ZSWIM6: variants seen among roughly 807,000 people sequenced by gnomAD.
The protein encoded by ZSWIM6 is zinc finger SWIM-type containing 6.
Under a neutral mutation model 113.2 loss-of-function variants are expected in ZSWIM6, and 9 were observed. That is an observed-to-expected ratio of 0.08 (90% CI 0.05 to 0.14). ZSWIM6 has a LOEUF of 0.14. Among genes scored for constraint, ZSWIM6 ranks in the 10% least tolerant of loss-of-function variants. The pLI is 1.00. For synonymous variants in ZSWIM6, 611 were observed against 606.5 expected (o/e 1.01, Z -0.11); for missense variants, 1,162 against 1,552.2 (o/e 0.75, Z 4.22).
intron 7 of ZSWIM6, 73 bp downstream of exon 7, chr5:61,526,469 G>C (rs867459936): frequency 2.3e-5 from 34 of 1,500,140 alleles, no homozygotes; most frequent in Non-Finnish European, 5.4e-6. Flanking sequence ...TGTGTTCTGG[G>C]AGAGATGGCT....
In ZSWIM6 at chr5:61,472,960, A is replaced by G. The variant is rs764968657; in HGVS notation, c.956A>G (p.His319Arg). ...KFVQYLITVHHTEVLPTAQKL... is the reference protein window; with the variant it reads ...KFVQYLITVHRTEVLPTAQKL... Reference sequence around the variant, plus strand: ...GTACAGTATTTGATCACAGTGCACCACACAGAAGTTTTGCCAACTGCTCAA... The same window carrying G: ...GTACAGTATTTGATCACAGTGCACCGCACAGAAGTTTTGCCAACTGCTCAA... The change falls in exon 2 of 14, where the codon CAC becomes CGC. Residue 319 changes from histidine to arginine, a missense_variant. This residue lies in a region of ZSWIM6 where 96 missense variants were observed against 240.3 expected (regional missense o/e 0.40). Transcript: ENST00000252744. The surrounding 1 kb of genome is among the most constrained non-coding windows in gnomAD (Gnocchi z 4.1). 12 of 1,544,326 alleles carry G rather than the reference A, an allele frequency of 7.8e-6. No individual in the cohort carries two copies. The African/African-American group carries it at 1.5e-4, about 19-fold the overall frequency.
At chr5:61,541,573 C>T (rs1307273211) in intron 12 of ZSWIM6, among the ~76,000 whole-genome samples, 2 of 152,158 alleles carry the variant, frequency 1.3e-5, no homozygotes, top group African/African-American at 4.8e-5. Context: ...TTTAATGCTC[C>T]AGTCCAGCCC....
chr5:61,536,075 G>A (rs1749564474), intron 10 of ZSWIM6, among the ~76,000 whole-genome samples: 2 of 152,222 alleles, frequency 1.3e-5, no homozygotes, highest in African/African-American at 4.8e-5. Flanking sequence ...GTATTGCCAA[G>A]GCACATCTGT....
At chr5:61,498,260 C>T (rs755859562) in intron 4 of ZSWIM6, among the ~76,000 whole-genome samples, 14 of 152,296 alleles carry the variant, frequency 9.2e-5, no homozygotes, top group Middle Eastern at 3.4e-3. Context: ...GTTTTAAACA[C>T]TTAACTTTCT....
rs1749117593 is a variant in ZSWIM6, at chr5:61,521,403, T to C, written c.1474T>C (p.Leu492=). The change falls in exon 5 of 14, where the codon TTA becomes CTA. Residue 492 remains leucine, a synonymous_variant. Coordinates refer to ENST00000252744, the MANE Select transcript of ZSWIM6 (RefSeq NM_020928.2). ...AAATCATGGCAGTGAATTACCCAAC[T>C]TAACCAATGCTCTGCCTCAGGGTGC... ...DGNHGSELPN[L]TNALPQGANA... The C allele has an allele frequency of 6.5e-7, 1 of 1,527,402 alleles. No homozygotes were observed. The highest frequency in any genetic ancestry group is 8.8e-7 in the Non-Finnish European group (1 of 1,135,640). 94.6% of individuals were successfully genotyped at this position (1,527,402 alleles called of 1,614,324 possible).
chr5:61,391,150 G>A, intron 1 of ZSWIM6: 1 of 784,470 alleles, frequency 1.3e-6, no homozygotes, highest in East Asian at 2.4e-5. Context: ...GGTCTTGTGG[G>A]GTAGCTTCTT....
At chr5:61,495,011 G>A (rs1393340661) in intron 4 of ZSWIM6, among the ~76,000 whole-genome samples, 1 of 152,156 alleles carries the variant, frequency 6.6e-6, no homozygotes, top group Admixed American at 6.6e-5. Context: ...TTATTTGGAT[G>A]AGTCTTGGTA....
chr5:61,475,339 C>A (rs1580015403), intron 2 of ZSWIM6, among the ~76,000 whole-genome samples: 2 of 151,974 alleles, frequency 1.3e-5, no homozygotes. Flanking sequence ...GGATAGTAGC[C>A]CCTAAAGTTT....
At chr5:61,366,978 A>G (rs1745169641) in intron 1 of ZSWIM6, among the ~76,000 whole-genome samples, 1 of 151,958 alleles carries the variant, frequency 6.6e-6, no homozygotes, top group Admixed American at 6.6e-5. Flanking sequence ...ATACAGGCAC[A>G]TCCCCAGACA....
At chr5:61,508,553 T>C (rs1748690923) in intron 4 of ZSWIM6, among the ~76,000 whole-genome samples, 1 of 152,214 alleles carries the variant, frequency 6.6e-6, no homozygotes, top group Non-Finnish European at 1.5e-5. Context: ...TATTTTGTAA[T>C]CTAGCAGATT....
chr5:61,446,448 A>G (rs2112152784), intron 1 of ZSWIM6, among the ~76,000 whole-genome samples: 1 of 152,342 alleles, frequency 6.6e-6, no homozygotes, highest in East Asian at 1.9e-4. Flanking sequence ...ATTTTCATCA[A>G]TAACTCAGAA....
At chr5:61,493,892 C>T (rs896692815) in intron 3 of ZSWIM6, among the ~76,000 whole-genome samples, 2 of 152,070 alleles carry the variant, frequency 1.3e-5, no homozygotes, top group Non-Finnish European at 2.9e-5. Context: ...TTCTACTGGA[C>T]ATATGAAACA....
intron 10 of ZSWIM6, 58 bp from the exon 11 acceptor site, chr5:61,538,756 G>A: frequency 2.7e-6 from 4 of 1,502,404 alleles, no homozygotes; most frequent in Non-Finnish European, 3.6e-6. Context: ...CAGTCTTTCT[G>A]GCCAAGGACA....
chr5:61,332,761 GGCGGCCGCA>G lies in ZSWIM6; in HGVS notation c.490_498del (p.Ala164_Ala166del), dbSNP rs1744285944. 5.3e-4 allele frequency: 3 copies of G among 5,634 alleles called. No homozygotes were observed. In the Admixed American group the frequency reaches 8.4e-3, roughly 16 times the overall value. 0.3% of individuals were successfully genotyped at this position (5,634 alleles called of 1,614,324 possible). A position where few individuals can be genotyped will look rare whatever the true frequency, so the allele number is the denominator to read the frequency against. On this transcript the variant is annotated inframe_deletion, in exon 1 of 14. Transcript: ENST00000252744. ...CCTCGTCTTCCCCGGCCGCAACCTC[GGCGGCCGCA>G]ACCTCGGCCGCCGCCGCCGCTGCCG...
chr5:61,425,884 A>G (rs1438625696), intron 1 of ZSWIM6, among the ~76,000 whole-genome samples: 5 of 152,236 alleles, frequency 3.3e-5, no homozygotes, highest in African/African-American at 1.2e-4. Flanking sequence ...GAAGGGTCTT[A>G]TGTGCTCAGC....
At chr5:61,355,395 A>G (rs1034499246) in intron 1 of ZSWIM6, among the ~76,000 whole-genome samples, 2 of 149,772 alleles carry the variant, frequency 1.3e-5, no homozygotes, top group Non-Finnish European at 3.0e-5. Context: ...GATGTAGCTT[A>G]CCTGTTTACA....
At chr5:61,337,961 C>T (rs1174259063) in intron 1 of ZSWIM6, among the ~76,000 whole-genome samples, 2 of 151,784 alleles carry the variant, frequency 1.3e-5, no homozygotes, top group African/African-American at 2.4e-5. Flanking sequence ...TTGGTGTGTT[C>T]GCATATGTGT....
Position 61,526,253 on chromosome 5 carries a change from A to G in ZSWIM6, c.1694A>G (p.His565Arg), listed in dbSNP as rs1021250147. 6.5e-7 allele frequency: 1 copy of G among 1,547,496 alleles called. No homozygotes were observed. The highest frequency in any genetic ancestry group is 1.2e-5 in the South Asian group (1 of 83,010). ...CCCCCTTGACTTTCTGTTTTAGAAC[A>G]TGTTCCTACAGCCTGTGCAAGAGTG... ...DSRGWPLWHE[H>R]VPTACARVDA... is the part of the protein sequence containing the mutation. Residue 565 changes from histidine (H) to arginine (R), a missense_variant, in exon 7 of 14, where the codon CAT becomes CGT. By Grantham distance (29) the His-to-Arg change is conservative. Around this residue, in one of 4 missense-constraint regions of ZSWIM6, gnomAD observed 620 missense variants for 804.6 expected, o/e 0.77. Coordinates refer to ENST00000252744, the MANE Select transcript of ZSWIM6 (RefSeq NM_020928.2).
At chr5:61,423,407 TCAAAAAAAAAACA>T (rs1191626709) in intron 1 of ZSWIM6, among the ~76,000 whole-genome samples, 104 of 136,122 alleles carry the variant, frequency 7.6e-4, no homozygotes, top group African/African-American at 2.6e-3. Context: ...AAACTCCATC[TCAAAAAAAAAACA>T]CAAAAAAAAA....
Sources: allele counts gnomAD v4.1 joint callset (sites outside exome capture counted in the v4.1 genomes callset), GRCh38; gene constraint gnomAD v4.1.1; regional missense constraint gnomAD v4.1.1; non-coding constraint Gnocchi (gnomAD v3.1); transcripts MANE v1.5; gene names NCBI Gene and HGNC (gene_info 2026-07-23, HGNC 2026-07-21).